The following PDE6A variants were observed in gnomAD, a reference collection of about 807,000 sequenced individuals.
The protein encoded by PDE6A is phosphodiesterase 6A, also known as rod cGMP-specific 3',5'-cyclic phosphodiesterase subunit alpha.
PDE6A carries 84 observed loss-of-function variants against 106.3 expected under a neutral mutation model. The ratio of observed to expected loss-of-function variants is 0.79; its 90% CI spans 0.66 to 0.95. The LOEUF is 0.95. Ranked by LOEUF, PDE6A falls within the 40% of genes least tolerant of loss-of-function variation. The pLI is 0.00. For synonymous variants in PDE6A, 394 were observed against 386.6 expected (o/e 1.02, Z -0.23); for missense variants, 1,052 against 1,084.9 (o/e 0.97, Z 0.43).
At chr5:149,894,765 G>A (rs976413909) in intron 13 of PDE6A, among the ~76,000 whole-genome samples, 2 of 151,384 alleles carry the variant, frequency 1.3e-5, no homozygotes, top group Admixed American at 6.6e-5. Context: ...CAAGTAGCTG[G>A]GATTACAGGT....
At chr5:149,924,412 GAT>G (rs1168301611) in intron 4 of PDE6A, among the ~76,000 whole-genome samples, 1 of 149,626 alleles carries the variant, frequency 6.7e-6, no homozygotes, top group African/African-American at 2.4e-5. Context: ...TTTAGAAATA[GAT>G]ATATATATAT....
At chr5:149,923,621 G>A (rs1753796032) in intron 4 of PDE6A, among the ~76,000 whole-genome samples, 1 of 151,906 alleles carries the variant, frequency 6.6e-6, no homozygotes, top group African/African-American at 2.4e-5. Context: ...ACAGGCAGAG[G>A]GAAGAGGAAA....
intron 8 of PDE6A, 54 bp from the exon 9 acceptor site, chr5:149,899,578 C>A: frequency 6.4e-7 from 1 of 1,563,052 alleles, no homozygotes; most frequent in Non-Finnish European, 8.8e-7. Flanking sequence ...ACAGAGGCAA[C>A]GATGATAGAT....
intron 13 of PDE6A, among the ~76,000 whole-genome samples, chr5:149,894,878 C>A (rs1257854559): frequency 6.6e-6 from 1 of 152,092 alleles, no homozygotes; most frequent in Non-Finnish European, 1.5e-5. Flanking sequence ...ATCCACCCGC[C>A]TCGGCATCCC....
At chr5:149,866,290 G>A in intron 19 of PDE6A, 37 bp from the exon 20 acceptor site, 1 of 1,449,280 alleles carries the variant, frequency 6.9e-7, no homozygotes, top group Non-Finnish European at 9.7e-7. Flanking sequence ...GCACTGGACA[G>A]TAAGAGAAAC....
At chr5:149,915,047 T>G in intron 5 of PDE6A, 40 bp from the exon 6 acceptor site, 1 of 1,414,622 alleles carries the variant, frequency 7.1e-7, no homozygotes, top group Non-Finnish European at 9.8e-7. Flanking sequence ...TTTTTTTTTT[T>G]TTTTTTTGAG....
At chr5:149,928,516 G>A (rs113614051) in intron 4 of PDE6A, among the ~76,000 whole-genome samples, 14,892 of 151,902 alleles carry the variant, frequency 0.098, 804 homozygotes, top group African/African-American at 0.14. Flanking sequence ...GATTACAGGC[G>A]TGAGCCACCG....
chr5:149,901,897 T>C (rs1752993328), intron 8 of PDE6A, among the ~76,000 whole-genome samples: 3 of 152,260 alleles, frequency 2.0e-5, no homozygotes, highest in Admixed American at 2.0e-4. Flanking sequence ...TATTTCCTGA[T>C]TGATAATGAT....
At chr5:149,871,442 C>T (rs1409607524) in intron 17 of PDE6A, among the ~76,000 whole-genome samples, 1 of 152,028 alleles carries the variant, frequency 6.6e-6, no homozygotes. Context: ...TCAGGGAGGG[C>T]TTCCCTGAGA....
At chr5:149,928,229 A>AT (rs1450276110) in intron 4 of PDE6A, among the ~76,000 whole-genome samples, 20 of 25,458 alleles carry the variant, frequency 7.9e-4, no homozygotes, top group African/African-American at 6.2e-3. Context: ...ATATATATAT[A>AT]TATTTTTTTT....
At chr5:149,929,086 A>T (rs2113653341) in intron 4 of PDE6A, among the ~76,000 whole-genome samples, 1 of 152,330 alleles carries the variant, frequency 6.6e-6, no homozygotes, top group African/African-American at 2.4e-5. Flanking sequence ...AATATCTACT[A>T]AAGCTAATAC....
At chr5:149,902,318 G>A (rs1330802231) in intron 8 of PDE6A, among the ~76,000 whole-genome samples, 3 of 152,062 alleles carry the variant, frequency 2.0e-5, no homozygotes, top group African/African-American at 7.2e-5. Flanking sequence ...CCCAGATTAA[G>A]TCAGAATCTC....
At chr5:149,915,630 G>C in intron 5 of PDE6A, among the ~76,000 whole-genome samples, 1 of 152,130 alleles carries the variant, frequency 6.6e-6, no homozygotes, top group East Asian at 1.9e-4. Flanking sequence ...GCTGGGAAGA[G>C]GGATAGGAAA....
intron 4 of PDE6A, 46 bp from the exon 5 acceptor site, chr5:149,921,755 A>G (rs940817107): frequency 6.7e-7 from 1 of 1,494,122 alleles, no homozygotes; most frequent in South Asian, 1.1e-5. Context: ...AAAGAGATCA[A>G]GGAAAGGAGA....
intron 17 of PDE6A, among the ~76,000 whole-genome samples, chr5:149,879,732 A>C (rs1339997537): frequency 6.6e-6 from 1 of 151,936 alleles, no homozygotes; most frequent in African/African-American, 2.4e-5. Flanking sequence ...AATTTCATCC[A>C]TGTCCCTACA....
intron 5 of PDE6A, among the ~76,000 whole-genome samples, chr5:149,918,327 G>A (rs1249134822): frequency 6.6e-6 from 1 of 152,078 alleles, no homozygotes; most frequent in Non-Finnish European, 1.5e-5. Context: ...GAAAGGGAAA[G>A]GTGACAAAAT....
At chr5:149,906,519 C>CAAAAAAAAAAAAAAAAAACAAA (rs1753190388) in intron 7 of PDE6A, among the ~76,000 whole-genome samples, 1 of 54,204 alleles carries the variant, frequency 1.8e-5, no homozygotes, top group Non-Finnish European at 4.0e-5. Flanking sequence ...GAGACACTGT[C>CAAAAAAAAAAAAAAAAAACAAA]AAAAAAAAAA....
At chr5:149,924,469 T>C (rs1753818384) in intron 4 of PDE6A, among the ~76,000 whole-genome samples, 1 of 150,276 alleles carries the variant, frequency 6.7e-6, no homozygotes, top group East Asian at 1.9e-4. Flanking sequence ...ATATATTTAG[T>C]TATAAGAATA....
intron 21 of PDE6A, among the ~76,000 whole-genome samples, chr5:149,861,487 A>C (rs1407475008): frequency 2.0e-5 from 3 of 152,198 alleles, no homozygotes; most frequent in Admixed American, 1.3e-4. Context: ...GGTTTCTACA[A>C]AAAAATACAA....
Sources: gnomAD v4.1 joint callset for allele counts (sites outside exome capture counted in the v4.1 genomes callset) on GRCh38, gnomAD v4.1.1 for gene constraint, MANE v1.5 for transcripts, NCBI Gene and HGNC (gene_info 2026-07-23, HGNC 2026-07-21) for gene names.